The following ACSM1 variants were observed in gnomAD, a reference collection of about 807,000 sequenced individuals.
The protein encoded by ACSM1 is acyl-CoA synthetase medium chain family member 1.
ACSM1 carries 79 observed loss-of-function variants against 75.8 expected under a neutral mutation model. That is an observed-to-expected ratio of 1.04 (90% confidence interval 0.87 to 1.26). ACSM1 has a LOEUF of 1.26. Ranked by LOEUF, ACSM1 falls within the 50% of genes most tolerant of loss-of-function variation. The probability of loss-of-function intolerance (pLI) is 0.00; values close to 1 mark genes in which losing one functional copy is unlikely to be tolerated. For synonymous variants in ACSM1, 279 were observed against 265.8 expected, an observed-to-expected ratio of 1.05 and a Z score of -0.48; for missense variants, 676 against 720.1, an observed-to-expected ratio of 0.94 and a Z score of 0.70.
intron 1 of ACSM1, 118 bp from the exon 2 acceptor site, chr16:20,691,357 A>G: frequency 1.8e-6 from 1 of 544,046 alleles, no homozygotes; most frequent in South Asian, 3.0e-5. Context: ...CAGAATTTGG[A>G]AGGCACCCCT....
At chr16:20,642,372 A>G (rs2018114210) in intron 7 of ACSM1, among the ~76,000 whole-genome samples, 1 of 152,236 alleles carries the variant, frequency 6.6e-6, no homozygotes, top group Non-Finnish European at 1.5e-5. Context: ...GAAGAGCCAC[A>G]TCCTCTCTCT....
chr16:20,630,983 A>G (rs1204987272), intron 10 of ACSM1, among the ~76,000 whole-genome samples: 4 of 152,244 alleles, frequency 2.6e-5, no homozygotes, highest in Admixed American at 2.6e-4. Context: ...CAAATGAAAT[A>G]AAAAACACAG....
rs138926193 is a variant in ACSM1, at chr16:20,627,329, G to A, written c.1300-13C>T. The A allele has an allele frequency of 1.9e-6, 3 of 1,559,408 alleles. No individual in the cohort carries two copies. In the African/African-American group the frequency reaches 4.2e-5, roughly 22 times the overall value. On this transcript the variant is annotated splice_polypyrimidine_tract_variant and intron_variant, in intron 10 of 13. Coordinates refer to ENST00000520010, the MANE Select transcript of ACSM1 (RefSeq NM_001318890.3). Reference sequence around the variant, plus strand: ...TCTCTGGGTCACCCTGCAAAAAGAAGAGAGCTCCTTTGTTGAAGGCAGTGA... The same window carrying A: ...TCTCTGGGTCACCCTGCAAAAAGAAAAGAGCTCCTTTGTTGAAGGCAGTGA...
At chr16:20,683,287 T>TTTA (rs967456246) in intron 3 of ACSM1, among the ~76,000 whole-genome samples, 4 of 151,982 alleles carry the variant, frequency 2.6e-5, no homozygotes, top group Admixed American at 6.6e-5. Context: ...CCAGCTATTT[T>TTTA]TTATTATTAT....
intron 6 of ACSM1, among the ~76,000 whole-genome samples, chr16:20,666,161 A>G (rs2019554609): frequency 6.6e-6 from 1 of 152,112 alleles, no homozygotes; most frequent in Non-Finnish European, 1.5e-5. Flanking sequence ...GAAATAAAAG[A>G]TATTCAAATA....
intron 4 of ACSM1, among the ~76,000 whole-genome samples, chr16:20,672,468 AAAAAT>A (rs2019977655): frequency 8.8e-6 from 1 of 113,536 alleles, no homozygotes; most frequent in Non-Finnish European, 1.7e-5. Flanking sequence ...AAAAAAAAAA[AAAAAT>A]ATATATATAT....
chr16:20,633,115 C>T (rs2017446289), intron 10 of ACSM1, among the ~76,000 whole-genome samples: 1 of 152,158 alleles, frequency 6.6e-6, no homozygotes, highest in African/African-American at 2.4e-5. Flanking sequence ...CACAAGGATG[C>T]CTGCTTTCAC....
In ACSM1 at chr16:20,661,838, C is replaced by A. The variant is rs772735675; in HGVS notation, c.948G>T (p.Gly316=). ...LLKYPINHFW[G]VSSIYRMILQ... ...GAATCATTCGATATATAGATGATAC[C>A]CCCCAAAAGTGGTTAATGGGGTATT... is the stretch of plus-strand genomic sequence containing the variant. Residue 316 remains glycine, a synonymous_variant, in exon 7 of 14, where the codon GGG becomes GGT. Transcript: ENST00000520010. 1.9e-6 allele frequency: 3 copies of A among 1,608,960 alleles called. No homozygotes were observed. Among genetic ancestry groups the A allele is most frequent in the East Asian group, 4.5e-5 (2 of 44,740 alleles).
chr16:20,661,199 T>C (rs1336985083), intron 7 of ACSM1, among the ~76,000 whole-genome samples: 1 of 152,168 alleles, frequency 6.6e-6, no homozygotes, highest in Non-Finnish European at 1.5e-5. Flanking sequence ...TTGTGGTATT[T>C]TCATAAAATA....
intron 2 of ACSM1, among the ~76,000 whole-genome samples, chr16:20,686,097 T>C (rs1035165456): frequency 6.6e-6 from 1 of 152,136 alleles, no homozygotes; most frequent in African/African-American, 2.4e-5. Flanking sequence ...TTAAATAAGT[T>C]ATTTACATAA....
intron 4 of ACSM1, among the ~76,000 whole-genome samples, chr16:20,676,429 T>C (rs544075420): frequency 1.3e-5 from 2 of 152,250 alleles, no homozygotes; most frequent in Non-Finnish European, 2.9e-5. Flanking sequence ...GCATTTTGGT[T>C]GTACACTCTG....
intron 6 of ACSM1, 56 bp from the exon 7 acceptor site, chr16:20,661,929 C>T (rs2019323749): frequency 8.3e-7 from 1 of 1,200,492 alleles, no homozygotes; most frequent in Non-Finnish European, 1.2e-6. Context: ...AAACTAACAG[C>T]CAATTATTAG....
chr16:20,635,135 C>G (rs2017586150), intron 10 of ACSM1, among the ~76,000 whole-genome samples: 1 of 152,172 alleles, frequency 6.6e-6, no homozygotes, highest in Admixed American at 6.5e-5. Flanking sequence ...TAGCTCACAT[C>G]TGTAATCACA....
chr16:20,631,422 A>G (rs954641714), intron 10 of ACSM1, among the ~76,000 whole-genome samples: 3 of 152,258 alleles, frequency 2.0e-5, no homozygotes, highest in African/African-American at 7.2e-5. Flanking sequence ...TGCTGGTGGG[A>G]ATGTAAATTA....
At position 20,637,603 on chromosome 16, in the gene ACSM1, C is replaced by T; in HGVS notation, c.1117-152G>A. On this transcript the variant is annotated intron_variant, in intron 8 of 13. Transcript: ENST00000520010. Reference sequence around the variant, plus strand: ...AGCCCTCGTAGGGAAGCTGGAAGGCCTTAGTCTAGGCTCAAGGTGTTGACC... The same window carrying T: ...AGCCCTCGTAGGGAAGCTGGAAGGCTTTAGTCTAGGCTCAAGGTGTTGACC... The T allele has an allele frequency of 9.9e-6, 7 of 705,144 alleles. No homozygotes were observed. In the South Asian group the frequency reaches 1.2e-4, roughly 12 times the overall value. 43.7% of individuals were successfully genotyped at this position (705,144 alleles called of 1,614,324 possible). A position where few individuals can be genotyped will look rare whatever the true frequency, so the allele number is the denominator to read the frequency against.
chr16:20,625,878 T>C (rs1057163779), intron 11 of ACSM1, among the ~76,000 whole-genome samples: 1 of 152,190 alleles, frequency 6.6e-6, no homozygotes, highest in Non-Finnish European at 1.5e-5. Flanking sequence ...TATTTCCCAT[T>C]GTATCAGCAG....
intron 1 of ACSM1, among the ~76,000 whole-genome samples, chr16:20,691,751 ATGTGTGTGTGTGTGTGTGTGTG>A (rs59929923): frequency 1.4e-3 from 182 of 134,080 alleles, no homozygotes; most frequent in African/African-American, 4.1e-3. Context: ...TACCTCTCCA[ATGTGTGTGTGTGTGTGTGTGTG>A]TGTGTGTGTG....
intron 2 of ACSM1, among the ~76,000 whole-genome samples, chr16:20,685,831 ACAAAC>A (rs757465230): frequency 0.1 from 11,720 of 115,492 alleles, 2,138 homozygotes; most frequent in African/African-American, 0.19. Flanking sequence ...AAAAAAAAAA[ACAAAC>A]AAAAAAAAAA....
chr16:20,627,605 T>C (rs900071969), intron 10 of ACSM1, among the ~76,000 whole-genome samples: 17 of 151,780 alleles, frequency 1.1e-4, no homozygotes, highest in Non-Finnish European at 2.2e-4. Context: ...CTGAGGTGGG[T>C]GGATCATGAG....
Sources: gnomAD v4.1 joint callset for allele counts (sites outside exome capture counted in the v4.1 genomes callset) on GRCh38, gnomAD v4.1.1 for gene constraint, MANE v1.5 for transcripts, NCBI Gene and HGNC (gene_info 2026-07-23, HGNC 2026-07-21) for gene names.